SLC28A1: variants seen among roughly 807,000 people sequenced by gnomAD.
The protein encoded by SLC28A1 is sodium/nucleoside cotransporter 1.
Under a neutral mutation model 74.8 loss-of-function variants are expected in SLC28A1, and 64 were observed. The ratio of observed to expected loss-of-function variants is 0.86; its 90% confidence interval spans 0.70 to 1.05. The LOEUF is 1.05. Among genes scored for constraint, SLC28A1 ranks in the 50% least tolerant of loss-of-function variants. The probability of loss-of-function intolerance (pLI) is 0.00; values close to 1 mark genes in which losing one functional copy is unlikely to be tolerated. For missense variants in SLC28A1, 828 were observed against 822.8 expected, an observed-to-expected ratio of 1.01 and a Z score of -0.08; for synonymous variants, 359 against 335.0, an observed-to-expected ratio of 1.07 and a Z score of -0.78.
At chr15:84,900,862 GGTGA>G (rs1334933712) in intron 6 of SLC28A1, among the ~76,000 whole-genome samples, 3 of 145,620 alleles carry the variant, frequency 2.1e-5, no homozygotes, top group African/African-American at 7.7e-5. Flanking sequence ...GAAGGGGAAG[GGTGA>G]AAGGCAAGGA....
chr15:84,900,961 C>G (rs1158835149), intron 6 of SLC28A1, among the ~76,000 whole-genome samples: 1 of 152,128 alleles, frequency 6.6e-6, no homozygotes, highest in Non-Finnish European at 1.5e-5. Context: ...TGGTGGCTCA[C>G]GCCTGTAATC....
At chr15:84,943,156 A>T (rs1270671607) in intron 15 of SLC28A1, among the ~76,000 whole-genome samples, 1 of 152,210 alleles carries the variant, frequency 6.6e-6, no homozygotes, top group African/African-American at 2.4e-5. Context: ...ACTGCACTCC[A>T]GCCTGGGTGA....
intron 7 of SLC28A1, 73 bp from the exon 8 acceptor site, chr15:84,905,466 C>T: frequency 9.5e-7 from 1 of 1,048,692 alleles, no homozygotes; most frequent in East Asian, 2.4e-5. Context: ...ATGCCCCCTG[C>T]TCTCACCCCC....
chr15:84,891,527 A>C (rs974742384), intron 5 of SLC28A1, among the ~76,000 whole-genome samples: 3 of 152,152 alleles, frequency 2.0e-5, no homozygotes, highest in African/African-American at 7.2e-5. Flanking sequence ...TGGAGAATGA[A>C]TTGAGAAGTG....
downstream of SLC28A1, among the ~76,000 whole-genome samples, chr15:84,946,098 A>ATT (rs1567196328): frequency 6.4e-5 from 1 of 15,506 alleles, no homozygotes; most frequent in African/African-American, 1.8e-4. Flanking sequence ...ATATATATAT[A>ATT]TATATATATA....
intron 3 of SLC28A1, among the ~76,000 whole-genome samples, chr15:84,888,309 G>A (rs528976261): frequency 3.9e-5 from 6 of 152,032 alleles, no homozygotes; most frequent in Non-Finnish European, 7.4e-5. Context: ...TACCCTGCAC[G>A]CTCCCAGGCT....
At chr15:84,908,686 C>T in intron 8 of SLC28A1, 32 bp from the exon 9 acceptor site, 1 of 1,589,982 alleles carries the variant, frequency 6.3e-7, no homozygotes, top group Non-Finnish European at 8.6e-7. Flanking sequence ...GCCTCACTGC[C>T]TGTTTTTGTT....
chr15:84,885,841 T>G (rs1246499139), intron 1 of SLC28A1, among the ~76,000 whole-genome samples: 1 of 152,106 alleles, frequency 6.6e-6, no homozygotes, highest in Non-Finnish European at 1.5e-5. Context: ...ATTTCTCTAA[T>G]GTTTAAATGT....
chr15:84,948,880 G>C (rs750228273), downstream of SLC28A1, among the ~76,000 whole-genome samples: 2 of 151,956 alleles, frequency 1.3e-5, no homozygotes, highest in Admixed American at 6.6e-5. Context: ...GTTCTTTTTT[G>C]ATTTTGCATC....
Position 84,905,547 on chromosome 15 carries a change from G to A in SLC28A1, c.612G>A (p.Trp204Ter). ...GTTGGGTGGGGTGGTAGGTGTCCTG[G>A]AGGGCCGTGTCTTGGGGACTTGGAC... ...ACSKHHCAVS[W>*]RAVSWGLGLQ... The change falls in exon 8 of 19, where the codon TGG becomes TGA. Residue 204 changes from tryptophan to a stop codon, truncating the protein, a stop_gained. Transcript: ENST00000394573. LOFTEE classifies it high-confidence loss of function. 2 of 1,612,164 alleles carry A rather than the reference G, an allele frequency of 1.2e-6. No homozygotes were observed. The highest frequency in any genetic ancestry group is 1.7e-6 in the Non-Finnish European group (2 of 1,178,196).
At chr15:84,910,751 C>T (rs1968074152) in intron 9 of SLC28A1, among the ~76,000 whole-genome samples, 1 of 152,144 alleles carries the variant, frequency 6.6e-6, no homozygotes, top group East Asian at 1.9e-4. Flanking sequence ...CAAAACAAAA[C>T]AAAAACACAC....
At position 84,887,353 on chromosome 15, in the gene SLC28A1, C is replaced by T. The variant is rs148622685; in HGVS notation, c.-16-392C>T. On this transcript the variant is annotated intron_variant, in intron 2 of 18. Coordinates refer to ENST00000394573, the MANE Select transcript of SLC28A1 (RefSeq NM_004213.5). ...CAGAATTTGCTGTTTCTGCCTGGAA[C>T]TCCCAGAGTTCACAAGGACTTGCCT... is the stretch of plus-strand genomic sequence containing the variant. 3 of 985,444 alleles carry T rather than the reference C, an allele frequency of 3.0e-6. No individual in the cohort carries two copies. The East Asian group carries it at 3.4e-4, about 112-fold the overall frequency. The allele number at this position is 985,444 out of a possible 1,614,324, so 61.0% of individuals were successfully genotyped here.
intron 15 of SLC28A1, among the ~76,000 whole-genome samples, chr15:84,937,505 T>C (rs1475861981): frequency 2.6e-5 from 4 of 152,218 alleles, no homozygotes; most frequent in African/African-American, 9.6e-5. Context: ...TTGTTTTCAT[T>C]TGCATTACTT....
chr15:84,944,497 C>T, intron 16 of SLC28A1, 69 bp from the exon 17 acceptor site: 4 of 1,060,850 alleles, frequency 3.8e-6, no homozygotes, highest in Non-Finnish European at 5.9e-6. Context: ...CAGATGCAGC[C>T]CGAGCTGCGG....
At chr15:84,920,537 G>T (rs924578756) in intron 10 of SLC28A1, among the ~76,000 whole-genome samples, 1 of 152,196 alleles carries the variant, frequency 6.6e-6, no homozygotes, top group East Asian at 1.9e-4. Flanking sequence ...CAAAACTCTA[G>T]TTCCACAGCA....
At chr15:84,895,176 G>A in intron 6 of SLC28A1, 53 bp downstream of exon 6, 1 of 1,604,390 alleles carries the variant, frequency 6.2e-7, no homozygotes, top group Non-Finnish European at 8.5e-7. Context: ...ATGAGCTGAG[G>A]GGTTGGCTCC....
At chr15:84,918,867 C>T (rs752590532) in intron 10 of SLC28A1, among the ~76,000 whole-genome samples, 2 of 58,394 alleles carry the variant, frequency 3.4e-5, no homozygotes, top group African/African-American at 6.2e-5. Flanking sequence ...TCACACCTTC[C>T]TAGAATCCCT....
intron 15 of SLC28A1, among the ~76,000 whole-genome samples, chr15:84,942,976 G>T (rs2142054842): frequency 6.6e-6 from 1 of 152,270 alleles, no homozygotes; most frequent in East Asian, 1.9e-4. Flanking sequence ...TCTAAGGTCA[G>T]GAGTTTGAGA....
intron 9 of SLC28A1, among the ~76,000 whole-genome samples, chr15:84,914,230 G>A (rs902827141): frequency 1.3e-5 from 2 of 152,314 alleles, no homozygotes; most frequent in Non-Finnish European, 1.5e-5. Context: ...GATTACAGGC[G>A]TGAGCCACTG....
Sources: gnomAD v4.1 joint callset for allele counts (sites outside exome capture counted in the v4.1 genomes callset) on GRCh38, gnomAD v4.1.1 for gene constraint, MANE v1.5 for transcripts, NCBI Gene and HGNC (gene_info 2026-07-23, HGNC 2026-07-21) for gene names.